Variants in IL1R1 observed in about 807,000 individuals in gnomAD.
IL1R1 encodes the protein interleukin-1 receptor type 1.
IL1R1 carries 22 observed loss-of-function variants against 50.2 expected under a neutral mutation model. The ratio of observed to expected loss-of-function variants is 0.44; its 90% CI spans 0.31 to 0.63. The LOEUF (loss-of-function observed/expected upper bound fraction) is 0.63, where lower values mean the gene tolerates loss of function less well. IL1R1 is among the 20% of genes least tolerant of loss of function. The pLI, the probability that IL1R1 is intolerant of heterozygous loss-of-function variation, is 0.07. For missense variants in IL1R1, 509 were observed against 676.2 expected (o/e 0.75, Z 2.74); for synonymous variants, 251 against 236.7 (o/e 1.06, Z -0.55).
At chr2:102,147,573 C>G (rs1363834503) in intron 1 of IL1R1, among the ~76,000 whole-genome samples, 1 of 152,176 alleles carries the variant, frequency 6.6e-6, no homozygotes, top group Non-Finnish European at 1.5e-5. Flanking sequence ...AGGCCCATCC[C>G]TGTCTCTGGG....
chr2:102,077,624 T>C (rs1023600420), intron 1 of IL1R1, among the ~76,000 whole-genome samples: 2 of 152,216 alleles, frequency 1.3e-5, no homozygotes, highest in African/African-American at 4.8e-5. Flanking sequence ...TTTTGATTGA[T>C]TCATTTTTCT....
At chr2:102,102,765 T>C (rs1680197719), upstream of IL1R1, among the ~76,000 whole-genome samples, 1 of 152,076 alleles carries the variant, frequency 6.6e-6, no homozygotes, top group Non-Finnish European at 1.5e-5. Context: ...TCATCAGTGG[T>C]AGACTGGATA....
chr2:102,078,252 G>A (rs1679058855), intron 1 of IL1R1, among the ~76,000 whole-genome samples: 1 of 151,918 alleles, frequency 6.6e-6, no homozygotes, highest in Admixed American at 6.6e-5. Context: ...AAAAAATAGA[G>A]AAAATCAACA....
chr2:102,128,078 C>T (rs973968130), intron 1 of IL1R1, among the ~76,000 whole-genome samples: 1 of 152,166 alleles, frequency 6.6e-6, no homozygotes, highest in Non-Finnish European at 1.5e-5. Flanking sequence ...GCATTTTACA[C>T]TTGGTTACTT....
At chr2:102,157,194 G>A (rs940415149) in intron 2 of IL1R1, among the ~76,000 whole-genome samples, 1 of 151,886 alleles carries the variant, frequency 6.6e-6, no homozygotes, top group African/African-American at 2.4e-5. Context: ...AGTTTTTTTG[G>A]GTGCATTTCT....
At chr2:102,091,621 G>T (rs984595189) in intron 1 of IL1R1, among the ~76,000 whole-genome samples, 1 of 152,126 alleles carries the variant, frequency 6.6e-6, no homozygotes, top group Non-Finnish European at 1.5e-5. Context: ...ATTTTTATAC[G>T]TTGGGAATAT....
At chr2:102,109,148 A>C (rs1182213407) in intron 1 of IL1R1, among the ~76,000 whole-genome samples, 1 of 152,102 alleles carries the variant, frequency 6.6e-6, no homozygotes, top group Non-Finnish European at 1.5e-5. Flanking sequence ...CAGAGCTGGA[A>C]TTATGACGCA....
At chr2:102,099,685 C>T (rs1307689704), upstream of IL1R1, among the ~76,000 whole-genome samples, 1 of 152,176 alleles carries the variant, frequency 6.6e-6, no homozygotes, top group Non-Finnish European at 1.5e-5. Context: ...GGTACACTTC[C>T]ACCAGGGCAA....
At chr2:102,105,344 G>A (rs1680342370) in intron 1 of IL1R1, among the ~76,000 whole-genome samples, 1 of 152,002 alleles carries the variant, frequency 6.6e-6, no homozygotes, top group Non-Finnish European at 1.5e-5. Context: ...TTGACTGAAG[G>A]TGCTATGTTT....
intron 2 of IL1R1, among the ~76,000 whole-genome samples, chr2:102,155,335 G>C (rs3917234): frequency 6.6e-6 from 1 of 152,212 alleles, no homozygotes. Flanking sequence ...ACTGAGGCAC[G>C]GAGGCTGAGC....
intron 6 of IL1R1, 124 bp downstream of exon 6, chr2:102,166,405 G>A: frequency 1.6e-6 from 1 of 628,262 alleles, no homozygotes; most frequent in Non-Finnish European, 2.6e-6. Context: ...TACCACAAAA[G>A]TCACATGGCT....
intron 1 of IL1R1, among the ~76,000 whole-genome samples, chr2:102,095,969 C>A (rs1246612191): frequency 6.6e-6 from 1 of 152,180 alleles, no homozygotes; most frequent in Non-Finnish European, 1.5e-5. Flanking sequence ...TGCCACTGCA[C>A]TCCAGCCTGG....
At chr2:102,118,161 C>T (rs945417786) in intron 1 of IL1R1, among the ~76,000 whole-genome samples, 1 of 152,034 alleles carries the variant, frequency 6.6e-6, no homozygotes, top group Admixed American at 6.6e-5. Context: ...AGTCCTACCC[C>T]CATCCTCTGG....
intron 1 of IL1R1, among the ~76,000 whole-genome samples, chr2:102,091,886 T>G (rs922563715): frequency 6.6e-6 from 1 of 152,236 alleles, no homozygotes; most frequent in Non-Finnish European, 1.5e-5. Flanking sequence ...AAATTTGTCT[T>G]TCTGTGTCTG....
chr2:102,072,971 G>T (rs142040716), intron 1 of IL1R1, among the ~76,000 whole-genome samples: 17 of 152,266 alleles, frequency 1.1e-4, no homozygotes, highest in African/African-American at 4.1e-4. Context: ...AGCTCCTGGG[G>T]CTGTGGGTAT....
chr2:102,081,366 A>G lies in IL1R1; in HGVS notation c.-84+10833A>G, dbSNP rs375971928. On this transcript the variant is annotated intron_variant, in intron 1 of 11. Coordinates refer to the IL1R1 transcript ENST00000409929. Reference sequence around the variant, plus strand: ...GATGGAAGAGTTTGAACCACACCCAATGGCCTGCATCTGGTGCTCTCCCAA... The same window carrying G: ...GATGGAAGAGTTTGAACCACACCCAGTGGCCTGCATCTGGTGCTCTCCCAA... Among the ~76,000 whole-genome samples, 98 of 152,274 alleles carry G rather than the reference A, an allele frequency of 6.4e-4. 2 individuals carry two copies. The South Asian group carries it at 8.3e-3, about 13-fold the overall frequency.
chr2:102,156,369 G>T (rs1684192631), intron 2 of IL1R1: 1 of 152,618 alleles, frequency 6.6e-6, no homozygotes, highest in African/African-American at 2.4e-5. Flanking sequence ...AGGTTTCAAG[G>T]CTTGAGCCAG....
At chr2:102,157,895 C>T in intron 3 of IL1R1, 110 bp downstream of exon 3, 1 of 741,226 alleles carries the variant, frequency 1.3e-6, no homozygotes, top group Non-Finnish European at 2.3e-6. Flanking sequence ...TCTGTTGAAT[C>T]TCTGGGCACA....
At chr2:102,134,277 C>A (rs1461968458) in intron 1 of IL1R1, among the ~76,000 whole-genome samples, 1 of 125,356 alleles carries the variant, frequency 8.0e-6, no homozygotes, top group Non-Finnish European at 1.7e-5. Context: ...CTCAACCCTT[C>A]CTGTCTTAGG....
Sources: gnomAD v4.1 joint callset for allele counts (sites outside exome capture counted in the v4.1 genomes callset) on GRCh38, gnomAD v4.1.1 for gene constraint, MANE v1.5 for transcripts, NCBI Gene and HGNC (gene_info 2026-07-23, HGNC 2026-07-21) for gene names.